Variants in BEAN1 observed in about 807,000 individuals in gnomAD.
BEAN1 encodes the protein brain expressed associated with NEDD4 1, also known as protein BEAN1.
Under a neutral mutation model 17.7 loss-of-function variants are expected in BEAN1, and 17 were observed. The ratio of observed to expected loss-of-function variants is 0.96; its 90% CI spans 0.66 to 1.44. The LOEUF is 1.44. BEAN1 is among the 40% of genes most tolerant of loss of function. The probability of loss-of-function intolerance (pLI) is 0.00; values close to 1 mark genes in which losing one functional copy is unlikely to be tolerated. For missense variants in BEAN1, 359 were observed against 374.1 expected (o/e 0.96, Z 0.33); for synonymous variants, 142 against 151.8 (o/e 0.94, Z 0.47).
At chr16:66,482,854 T>C (rs1203419949), downstream of BEAN1, 10 of 455,842 alleles carry the variant, frequency 2.2e-5, no homozygotes, top group Non-Finnish European at 4.4e-5. Context: ...AAGGTTCCTT[T>C]TTTTCTTTTC....
At chr16:66,494,917 C>G (rs1740819569), downstream of BEAN1, among the ~76,000 whole-genome samples, 1 of 152,244 alleles carries the variant, frequency 6.6e-6, no homozygotes, top group Non-Finnish European at 1.5e-5. Flanking sequence ...CTCCTCCAAC[C>G]AGGGGCTTCT....
At position 66,482,291 on chromosome 16, in the gene BEAN1, A is replaced by T. The variant is rs939206884; in HGVS notation, c.*1366A>T. The T allele has an allele frequency of 6.5e-6, 1 of 153,466 alleles. No individual in the cohort carries two copies. Among genetic ancestry groups the T allele is most frequent in the African/African-American group, 2.4e-5 (1 of 41,348 alleles). The allele number at this position is 153,466 out of a possible 1,614,324, so 9.5% of individuals were successfully genotyped here. On this transcript the variant is annotated 3_prime_UTR_variant, in exon 5 of 5. Transcript: ENST00000536005. ...TTGTCCCTCGTCGTTAAAAAACAGC[A>T]CCCTATCCTGCTTCCCCACATTTCT... is the stretch of plus-strand genomic sequence containing the variant.
chr16:66,465,577 G>A (rs140260992), intron 2 of BEAN1, among the ~76,000 whole-genome samples: 227 of 152,238 alleles, frequency 1.5e-3, no homozygotes, highest in African/African-American at 5.2e-3. Context: ...CATTCACATT[G>A]CTATGCAGCC....
At chr16:66,429,688 C>T (rs887631728) in intron 1 of BEAN1, among the ~76,000 whole-genome samples, 2 of 152,196 alleles carry the variant, frequency 1.3e-5, no homozygotes, top group Non-Finnish European at 2.9e-5. Flanking sequence ...CCTCTCTCCT[C>T]TTCTTCCTCT....
intron 2 of BEAN1, among the ~76,000 whole-genome samples, chr16:66,461,489 G>A (rs2142416229): frequency 6.6e-6 from 1 of 152,182 alleles, no homozygotes. Context: ...CGCAGGTGAA[G>A]GGAGAGGCAT....
downstream of BEAN1, among the ~76,000 whole-genome samples, chr16:66,494,826 C>T (rs1964224258): frequency 6.6e-6 from 1 of 152,196 alleles, no homozygotes; most frequent in Non-Finnish European, 1.5e-5. Context: ...CATGTGCACA[C>T]AAATAGGTAC....
At chr16:66,433,919 C>G (rs1961906797) in intron 1 of BEAN1, among the ~76,000 whole-genome samples, 1 of 152,216 alleles carries the variant, frequency 6.6e-6, no homozygotes, top group Non-Finnish European at 1.5e-5. Flanking sequence ...AGGCTCTCTC[C>G]CCTTAGCCAC....
At chr16:66,488,529 A>AC (rs2142485231) in intron 4 of BEAN1, among the ~76,000 whole-genome samples, 1 of 145,838 alleles carries the variant, frequency 6.9e-6, no homozygotes, top group African/African-American at 2.7e-5. Context: ...AAAAAAAAAA[A>AC]AAAAAAAAAA....
chr16:66,469,971 C>T (rs189874414), intron 3 of BEAN1, 106 bp downstream of exon 3: 2 of 1,409,330 alleles, frequency 1.4e-6, no homozygotes, highest in African/African-American at 1.4e-5. Flanking sequence ...GCAGGGTGGT[C>T]GGGAAAGCAT....
At chr16:66,490,109 G>A (rs896509741) in intron 4 of BEAN1, among the ~76,000 whole-genome samples, 11 of 151,068 alleles carry the variant, frequency 7.3e-5, no homozygotes, top group Admixed American at 4.0e-4. Flanking sequence ...AGCCAGATGC[G>A]GTGGCTCATG....
intron 1 of BEAN1, among the ~76,000 whole-genome samples, chr16:66,429,119 G>C (rs371323281): frequency 1.3e-4 from 20 of 152,324 alleles, no homozygotes; most frequent in African/African-American, 4.8e-4. Flanking sequence ...TTTCCCTGAG[G>C]AGCCATCAGG....
rs555634538 is a variant in BEAN1 at position 66,482,676 on chromosome 16, G to A, written c.*1751G>A. The A allele has an allele frequency of 2.7e-6, 1 of 363,692 alleles. No homozygotes were observed. The highest frequency in any genetic ancestry group is 2.1e-5 in the African/African-American group (1 of 46,950). The allele number at this position is 363,692 out of a possible 1,614,324, so 22.5% of individuals were successfully genotyped here. ...TCCAGAGAGTGCTGGGGGAAAAAAA[G>A]GGATAAAAATTCCTACCTACTCATC... On this transcript the variant is annotated 3_prime_UTR_variant, in exon 5 of 5. Transcript: ENST00000536005.
Position 66,447,543 on chromosome 16 carries a change from C to T in BEAN1, c.25+9842C>T, listed in dbSNP as rs188932587. Among the ~76,000 whole-genome samples the T allele has an allele frequency of 5.7e-3, 868 of 152,176 alleles. 4 individuals carry two copies. The highest frequency in any genetic ancestry group is 0.017 in the Middle Eastern group (5 of 292). Reference sequence around the variant, plus strand: ...CCCTGCAGGATTCTCCCCAGACTGCCCAGGGAGAGAACACATCTTCTCTCT... The same window carrying T: ...CCCTGCAGGATTCTCCCCAGACTGCTCAGGGAGAGAACACATCTTCTCTCT... On this transcript the variant is annotated intron_variant, in intron 2 of 4. Transcript: ENST00000536005.
chr16:66,444,516 G>A (rs1430331197), intron 2 of BEAN1, among the ~76,000 whole-genome samples: 7 of 152,176 alleles, frequency 4.6e-5, no homozygotes. Flanking sequence ...AGAGTGGGTG[G>A]CAAAGACCTA....
chr16:66,438,109 C>T (rs548898491), intron 2 of BEAN1: 4 of 246,766 alleles, frequency 1.6e-5, no homozygotes, highest in Non-Finnish European at 2.4e-5. Context: ...GTGTGGCCGG[C>T]GTGGTGGCTC....
chr16:66,492,016 G>C (rs1481601346), intron 4 of BEAN1, among the ~76,000 whole-genome samples: 1 of 152,114 alleles, frequency 6.6e-6, no homozygotes, highest in African/African-American at 2.4e-5. Context: ...AGAGCTACCA[G>C]AGAGGTTTTG....
At chr16:66,457,344 A>G (rs1379598103) in intron 2 of BEAN1, among the ~76,000 whole-genome samples, 1 of 152,158 alleles carries the variant, frequency 6.6e-6, no homozygotes, top group African/African-American at 2.4e-5. Flanking sequence ...GGGTGAATTG[A>G]TGGAGGATTG....
At chr16:66,440,234 A>T (rs1234430842) in intron 2 of BEAN1, among the ~76,000 whole-genome samples, 1 of 144,160 alleles carries the variant, frequency 6.9e-6, no homozygotes, top group Non-Finnish European at 1.5e-5. Flanking sequence ...GGTTCAAGCG[A>T]TTCTCCTGAC....
rs143903115 is a variant in BEAN1 at position 66,434,878 on chromosome 16, C to T, written c.-82-2717C>T. Among the ~76,000 whole-genome samples, 1 of 152,200 alleles carries T rather than the reference C, an allele frequency of 6.6e-6. No individual in the cohort carries two copies. Among genetic ancestry groups the T allele is most frequent in the Admixed American group, 6.5e-5 (1 of 15,282 alleles). On this transcript the variant is annotated intron_variant, in intron 1 of 4. Transcript: ENST00000536005. The surrounding 1 kb of genome is among the most constrained non-coding windows in gnomAD (Gnocchi z 4.3). ...TCCATGCACTTTTGAACTTCCCCTC[C>T]GTTCCCAACCCTGAGCTAGTTTGCA...
Sources: gnomAD v4.1 joint callset for allele counts (sites outside exome capture counted in the v4.1 genomes callset) on GRCh38, gnomAD v4.1.1 for gene constraint, Gnocchi (gnomAD v3.1) non-coding constraint, MANE v1.5 for transcripts, NCBI Gene and HGNC (gene_info 2026-07-23, HGNC 2026-07-21) for gene names.